RASAL2: variants seen among roughly 807,000 people sequenced by gnomAD.
RASAL2 encodes ras GTPase-activating protein nGAP.
A neutral mutation model predicts 128.9 loss-of-function variants in RASAL2; 58 were observed. The observed-to-expected ratio is 0.45, with a 90% CI of 0.36 to 0.56. The LOEUF (loss-of-function observed/expected upper bound fraction) is 0.56, where lower values mean the gene tolerates loss of function less well. RASAL2 is among the 20% of genes least tolerant of loss of function. The probability of loss-of-function intolerance (pLI) is 0.00; values close to 1 mark genes in which losing one functional copy is unlikely to be tolerated. For missense variants in RASAL2, 1,360 were observed against 1,601.6 expected, an observed-to-expected ratio of 0.85 and a Z score of 2.57; for synonymous variants, 561 against 580.8, an observed-to-expected ratio of 0.97 and a Z score of 0.49.
intron 15 of RASAL2, among the ~76,000 whole-genome samples, chr1:178,465,416 G>T (rs1225459401): frequency 6.6e-6 from 1 of 152,172 alleles, no homozygotes; most frequent in Non-Finnish European, 1.5e-5. Flanking sequence ...ACAAAGGAAT[G>T]GCAGTCTGAT....
intron 4 of RASAL2, among the ~76,000 whole-genome samples, chr1:178,393,599 A>T (rs1355079535): frequency 2.0e-5 from 3 of 152,216 alleles, no homozygotes; most frequent in Non-Finnish European, 4.4e-5. Flanking sequence ...GCCACAGACC[A>T]GTACTGGTCC....
intron 1 of RASAL2, among the ~76,000 whole-genome samples, chr1:178,166,710 G>A (rs1661525759): frequency 6.6e-6 from 1 of 151,956 alleles, no homozygotes; most frequent in Admixed American, 6.6e-5. Flanking sequence ...AATAAGACTT[G>A]GAAATATTCA....
chr1:178,381,244 T>C (rs1672265405), intron 3 of RASAL2, among the ~76,000 whole-genome samples: 1 of 152,086 alleles, frequency 6.6e-6, no homozygotes, highest in Non-Finnish European at 1.5e-5. Context: ...AATCTGGTAA[T>C]GATGAGTAGG....
intron 4 of RASAL2, among the ~76,000 whole-genome samples, chr1:178,391,641 G>A (rs1346655662): frequency 6.6e-6 from 1 of 152,150 alleles, no homozygotes; most frequent in African/African-American, 2.4e-5. Flanking sequence ...TAATATCACA[G>A]TGGACTCTTT....
intron 9 of RASAL2, among the ~76,000 whole-genome samples, chr1:178,447,346 G>A (rs1019526510): frequency 3.3e-5 from 5 of 150,830 alleles, no homozygotes; most frequent in Non-Finnish European, 7.4e-5. Flanking sequence ...AATAAATAAA[G>A]GTGAAGAAAG....
intron 3 of RASAL2, among the ~76,000 whole-genome samples, chr1:178,308,709 C>G (rs1668109593): frequency 1.3e-5 from 2 of 151,224 alleles, no homozygotes; most frequent in African/African-American, 4.9e-5. Context: ...CCATGCCTGG[C>G]TATTTTTTTT....
chr1:178,420,680 A>G, intron 5 of RASAL2, 60 bp downstream of exon 5: 3 of 1,251,576 alleles, frequency 2.4e-6, no homozygotes, highest in Non-Finnish European at 2.2e-6. Flanking sequence ...TTGTTAAGGC[A>G]TTTTGGTCTA....
At chr1:178,258,293 C>CAAAAAAAAAAAAAAAAA (rs993642772) in intron 1 of RASAL2, among the ~76,000 whole-genome samples, 1 of 69,386 alleles carries the variant, frequency 1.4e-5, no homozygotes. Context: ...GACTGCATCT[C>CAAAAAAAAAAAAAAAAA]AAAAAAAAAA....
intron 17 of RASAL2, 59 bp downstream of exon 17, chr1:178,467,480 C>G: frequency 6.9e-7 from 1 of 1,452,542 alleles, no homozygotes; most frequent in African/African-American, 1.4e-5. Flanking sequence ...TATTTCCTGA[C>G]TTCACACCCT....
intron 3 of RASAL2, among the ~76,000 whole-genome samples, chr1:178,361,610 G>A (rs192662407): frequency 1.6e-4 from 25 of 151,860 alleles, no homozygotes; most frequent in African/African-American, 5.3e-4. Flanking sequence ...ACAGACTTTT[G>A]TTCTCATCAC....
chr1:178,382,956 G>A (rs1672362570), intron 3 of RASAL2, among the ~76,000 whole-genome samples: 1 of 152,118 alleles, frequency 6.6e-6, no homozygotes, highest in Non-Finnish European at 1.5e-5. Flanking sequence ...TGCACTAAAA[G>A]TATTCTCTAC....
intron 1 of RASAL2, among the ~76,000 whole-genome samples, chr1:178,104,188 A>T (rs1242636229): frequency 6.6e-6 from 1 of 152,114 alleles, no homozygotes; most frequent in Non-Finnish European, 1.5e-5. Flanking sequence ...CATTTTTTGA[A>T]AGATGGCTTT....
chr1:178,116,499 A>G (rs942118799), intron 1 of RASAL2, among the ~76,000 whole-genome samples: 1 of 152,150 alleles, frequency 6.6e-6, no homozygotes, highest in Non-Finnish European at 1.5e-5. Flanking sequence ...TTATGATTCC[A>G]TTATTTAGGT....
At chr1:178,444,019 T>C (rs900609665) in intron 8 of RASAL2, among the ~76,000 whole-genome samples, 1 of 152,160 alleles carries the variant, frequency 6.6e-6, no homozygotes, top group African/African-American at 2.4e-5. Flanking sequence ...ATCAATATAT[T>C]CAATATTTAG....
At chr1:178,211,386 C>T (rs1221476452) in intron 1 of RASAL2, among the ~76,000 whole-genome samples, 2 of 152,072 alleles carry the variant, frequency 1.3e-5, no homozygotes, top group Non-Finnish European at 2.9e-5. Context: ...AAAGAGCTTT[C>T]TTAAAAAAGC....
At chr1:178,292,615 A>G (rs12037817) in intron 2 of RASAL2, among the ~76,000 whole-genome samples, 15,577 of 152,206 alleles carry the variant, frequency 0.1, 835 homozygotes, top group Middle Eastern at 0.14. Flanking sequence ...AAAGGCCCCA[A>G]CTGGCTTGAT....
chr1:178,266,716 A>T (rs1325660976), intron 1 of RASAL2, among the ~76,000 whole-genome samples: 1 of 152,206 alleles, frequency 6.6e-6, no homozygotes, highest in Non-Finnish European at 1.5e-5. Context: ...GTATATGAAG[A>T]GGCTGGAAGA....
At chr1:178,098,342 A>T (rs898576362) in intron 1 of RASAL2, among the ~76,000 whole-genome samples, 3 of 152,214 alleles carry the variant, frequency 2.0e-5, no homozygotes, top group African/African-American at 7.2e-5. Flanking sequence ...CTAAATATGG[A>T]TACAGAATCC....
chr1:178,114,508 C>G (rs1453364587), intron 1 of RASAL2, among the ~76,000 whole-genome samples: 1 of 150,322 alleles, frequency 6.7e-6, no homozygotes, highest in South Asian at 2.1e-4. Flanking sequence ...TTGTGAATAA[C>G]CTTGATTTTT....
Sources: gnomAD v4.1 joint callset for allele counts (sites outside exome capture counted in the v4.1 genomes callset) on GRCh38, gnomAD v4.1.1 for gene constraint, MANE v1.5 for transcripts, NCBI Gene and HGNC (gene_info 2026-07-23, HGNC 2026-07-21) for gene names.